GABRA5: variants seen among roughly 807,000 people sequenced by gnomAD.
GABRA5 encodes gamma-aminobutyric acid type A receptor subunit alpha5, also known as gamma-aminobutyric acid receptor subunit alpha-5.
A neutral mutation model predicts 47.3 loss-of-function variants in GABRA5; 18 were observed. The observed-to-expected ratio is 0.38, with a 90% confidence interval of 0.26 to 0.56. The LOEUF (loss-of-function observed/expected upper bound fraction) is 0.56, where lower values mean the gene tolerates loss of function less well. GABRA5 is among the 20% of genes least tolerant of loss of function. The probability of loss-of-function intolerance (pLI) is 0.71; values close to 1 mark genes in which losing one functional copy is unlikely to be tolerated. For missense variants in GABRA5, 365 were observed against 599.3 expected (o/e 0.61, Z 4.08); for synonymous variants, 237 against 229.3 (o/e 1.03, Z -0.30).
rs528448017 is a variant in GABRA5, at chr15:26,911,897, A to G, written c.498-2906A>G. ...GGCAGTGTCTGGAGAGAAGACAACC[A>G]TCTCCATATCCACCCTGACGATGGC... On this transcript the variant is annotated intron_variant, in intron 6 of 10. Transcript: ENST00000335625. Among the ~76,000 whole-genome samples, 10 of 152,296 alleles carry G rather than the reference A, an allele frequency of 6.6e-5. No homozygotes were observed. The East Asian group carries it at 1.7e-3, about 26-fold the overall frequency.
chr15:26,940,614 T>C (rs1348581369), intron 9 of GABRA5, among the ~76,000 whole-genome samples: 1 of 152,258 alleles, frequency 6.6e-6, no homozygotes, highest in African/African-American at 2.4e-5. Flanking sequence ...TGTAGAATTT[T>C]TGGTTCTCAC....
chr15:26,939,260 A>T (rs747996609), intron 8 of GABRA5: 2 of 765,332 alleles, frequency 2.6e-6, no homozygotes, highest in South Asian at 1.3e-5. Context: ...GGACGGCATC[A>T]TTCTCAGCAA....
At chr15:26,881,751 G>C (rs1892733725) in intron 4 of GABRA5, among the ~76,000 whole-genome samples, 1 of 152,180 alleles carries the variant, frequency 6.6e-6, no homozygotes, top group African/African-American at 2.4e-5. Flanking sequence ...CCAGGCAGGA[G>C]TGCAATGGCA....
chr15:26,885,078 C>T (rs971152458), intron 6 of GABRA5, among the ~76,000 whole-genome samples: 2 of 151,984 alleles, frequency 1.3e-5, no homozygotes, highest in African/African-American at 4.8e-5. Context: ...GGGAGGATCA[C>T]GAGATCAGGA....
intron 8 of GABRA5, 21 bp from the exon 9 acceptor site, chr15:26,939,904 C>G: frequency 6.2e-7 from 1 of 1,613,216 alleles, no homozygotes; most frequent in Non-Finnish European, 8.5e-7. Flanking sequence ...GACTGATGTG[C>G]AGTCATTTGC....
At chr15:26,881,975 C>G (rs952795561) in intron 4 of GABRA5, among the ~76,000 whole-genome samples, 9 of 152,198 alleles carry the variant, frequency 5.9e-5, no homozygotes, top group Admixed American at 5.2e-4. Flanking sequence ...GCTGGGATTA[C>G]AGGTGTGAGC....
At chr15:26,876,102 C>T (rs1469572194) in intron 3 of GABRA5, among the ~76,000 whole-genome samples, 3 of 152,102 alleles carry the variant, frequency 2.0e-5, no homozygotes, top group African/African-American at 7.2e-5. Context: ...CTAGAGAACC[C>T]AACAGGTATT....
At chr15:26,886,176 C>T (rs1378932382) in intron 6 of GABRA5, among the ~76,000 whole-genome samples, 2 of 151,954 alleles carry the variant, frequency 1.3e-5, no homozygotes, top group Non-Finnish European at 2.9e-5. Flanking sequence ...TGTGCCACCA[C>T]ACCCGGCTGA....
chr15:26,914,659 A>AG (rs1893678959), intron 6 of GABRA5, 144 bp from the exon 7 acceptor site: 1 of 641,880 alleles, frequency 1.6e-6, no homozygotes, highest in Non-Finnish European at 2.8e-6. Context: ...AAACTTACGT[A>AG]ATTTGGTGGG....
intron 6 of GABRA5, among the ~76,000 whole-genome samples, chr15:26,909,603 A>G (rs879667371): frequency 6.6e-6 from 1 of 152,144 alleles, no homozygotes; most frequent in Non-Finnish European, 1.5e-5. Flanking sequence ...TCCGGTTTCT[A>G]GAGGACACTT....
chr15:26,915,544 A>T (rs1893699018), intron 7 of GABRA5, among the ~76,000 whole-genome samples: 1 of 152,180 alleles, frequency 6.6e-6, no homozygotes, highest in Admixed American at 6.5e-5. Flanking sequence ...AATGTAATCC[A>T]TTTTCTTTAC....
chr15:26,924,825 T>A (rs1893922572), intron 7 of GABRA5, among the ~76,000 whole-genome samples: 1 of 152,168 alleles, frequency 6.6e-6, no homozygotes, highest in African/African-American at 2.4e-5. Flanking sequence ...TCAGTTTTTG[T>A]CTGTTTGTGC....
chr15:26,884,220 T>A lies in GABRA5; in HGVS notation c.497+663T>A, dbSNP rs1244836553. Among the ~76,000 whole-genome samples the A allele has an allele frequency of 3.9e-5, 6 of 152,132 alleles. No individual in the cohort carries two copies. In the East Asian group the frequency reaches 1.2e-3, roughly 29 times the overall value. On this transcript the variant is annotated intron_variant, in intron 6 of 10. Coordinates refer to ENST00000335625, the MANE Select transcript of GABRA5 (RefSeq NM_000810.4). ...AGAAAAAAAAAAGAAGGGAATTTTT[T>A]ATTTTCTTTTGTTGCAATTGTGTAG...
chr15:26,937,418 G>T, intron 8 of GABRA5, 90 bp downstream of exon 8: 1 of 1,383,104 alleles, frequency 7.2e-7, no homozygotes, highest in East Asian at 2.5e-5. Context: ...CTCTGCAGGG[G>T]CCACGTGGGA....
chr15:26,898,078 C>T (rs753910173), intron 6 of GABRA5, among the ~76,000 whole-genome samples: 7 of 151,890 alleles, frequency 4.6e-5, no homozygotes, highest in Non-Finnish European at 7.4e-5. Context: ...AATGAGTTGC[C>T]GTGGTAGAAA....
chr15:26,892,871 G>T (rs1893043205), intron 6 of GABRA5, among the ~76,000 whole-genome samples: 1 of 151,860 alleles, frequency 6.6e-6, no homozygotes, highest in Non-Finnish European at 1.5e-5. Flanking sequence ...GCAGTGTGTG[G>T]GTGTGTATGG....
chr15:26,892,909 TTGTG>T (rs1428692660), intron 6 of GABRA5, among the ~76,000 whole-genome samples: 2 of 151,280 alleles, frequency 1.3e-5, no homozygotes, highest in Non-Finnish European at 3.0e-5. Context: ...GTGTATGAGG[TTGTG>T]TGTGCGTGAT....
chr15:26,883,856 T>G lies in GABRA5; in HGVS notation c.497+299T>G, dbSNP rs1372613810. On this transcript the variant is annotated intron_variant, in intron 6 of 10. Coordinates refer to ENST00000335625, the MANE Select transcript of GABRA5 (RefSeq NM_000810.4). The surrounding 1 kb of genome is among the most constrained non-coding windows in gnomAD (Gnocchi z 4.8). ...GTCGGATAGGGAAAAATTATTATAT[T>G]AAACTTAAACATCTAAGGAGGACCG... is the stretch of plus-strand genomic sequence containing the variant. Among the ~76,000 whole-genome samples the G allele has an allele frequency of 2.6e-5, 4 of 152,184 alleles. No individual in the cohort carries two copies. The highest frequency in any genetic ancestry group is 2.9e-5 in the Non-Finnish European group (2 of 68,014).
chr15:26,874,718 G>T (rs958782869), intron 3 of GABRA5, among the ~76,000 whole-genome samples: 1 of 152,284 alleles, frequency 6.6e-6, no homozygotes, highest in Middle Eastern at 3.4e-3. Context: ...AGTGAAACAG[G>T]CTTCAGCAGT....
Sources: gnomAD v4.1 joint callset for allele counts (sites outside exome capture counted in the v4.1 genomes callset) on GRCh38, gnomAD v4.1.1 for gene constraint, Gnocchi (gnomAD v3.1) non-coding constraint, MANE v1.5 for transcripts, NCBI Gene and HGNC (gene_info 2026-07-23, HGNC 2026-07-21) for gene names.